The following MKLN1 variants were observed in gnomAD, a reference collection of about 807,000 sequenced individuals.
The protein encoded by MKLN1 is muskelin 1.
A neutral mutation model predicts 99.0 loss-of-function variants in MKLN1; 18 were observed. The ratio of observed to expected loss-of-function variants is 0.18; its 90% CI spans 0.13 to 0.27. MKLN1 has a LOEUF of 0.27. Among genes scored for constraint, MKLN1 ranks in the 10% least tolerant of loss-of-function variants. MKLN1 has a pLI of 1.00. For missense variants in MKLN1, 621 were observed against 875.9 expected (o/e 0.71, Z 3.67); for synonymous variants, 288 against 293.2 (o/e 0.98, Z 0.18).
At chr7:131,379,629 T>A (rs1161463487) in intron 2 of MKLN1, among the ~76,000 whole-genome samples, 2 of 152,230 alleles carry the variant, frequency 1.3e-5, no homozygotes, top group Non-Finnish European at 2.9e-5. Flanking sequence ...TGGGAATGAA[T>A]AAGACCTACT....
At position 131,489,323 on chromosome 7, in the gene MKLN1, G is replaced by A. The variant is rs189356822; in HGVS notation, c.*1595G>A. The A allele has an allele frequency of 2.6e-5, 4 of 152,252 alleles. No individual in the cohort carries two copies. The highest frequency in any genetic ancestry group is 9.6e-5 in the African/African-American group (4 of 41,552). 9.4% of individuals were successfully genotyped at this position (152,252 alleles called of 1,614,324 possible). On this transcript the variant is annotated 3_prime_UTR_variant, in exon 18 of 18. Transcript: ENST00000352689. ...TCCTAGCATCCCAAAGCAGTCAACA[G>A]TGATTTCTTAAGCAATTTGATCTGT...
upstream of MKLN1, chr7:131,327,840 C>T (rs1205284435): frequency 1.3e-6 from 2 of 1,594,798 alleles, no homozygotes; most frequent in Admixed American, 1.7e-5. Flanking sequence ...CAGGCCACGC[C>T]CCCTCCCCTC....
rs745435997 is a variant in MKLN1 at position 131,411,350 on chromosome 7, C to G, written c.748C>G (p.Arg250Gly). Residue 250 changes from arginine (R) to glycine (G), a missense_variant, in exon 7 of 18, where the codon CGA becomes GGA. Around this residue, in one of 8 missense-constraint regions of MKLN1, gnomAD observed 361 missense variants for 540.8 expected, o/e 0.67. Coordinates refer to ENST00000352689, the MANE Select transcript of MKLN1 (RefSeq NM_013255.5). The part of the protein sequence containing the change: ...QYISQQEYKP[R>G]WSQIIPKSTK... ...TATCAGTCAACAGGAATATAAGCCA[C>G]GATGGAGTCAAATCATTCCCAAAAG... 5.6e-6 allele frequency: 9 copies of G among 1,611,836 alleles called. No individual in the cohort carries two copies. The Admixed American group carries it at 1.3e-4, about 24-fold the overall frequency.
chr7:131,242,420 C>T (rs546829365), intron 3 of MKLN1, among the ~76,000 whole-genome samples: 12 of 152,084 alleles, frequency 7.9e-5, no homozygotes, highest in Admixed American at 2.6e-4. Context: ...CCTGTAGTCC[C>T]GGCTACTCAG....
intron 3 of MKLN1, among the ~76,000 whole-genome samples, chr7:131,319,746 G>T (rs1798738515): frequency 6.6e-6 from 1 of 151,964 alleles, no homozygotes; most frequent in Non-Finnish European, 1.5e-5. Flanking sequence ...CTTCAGCAAA[G>T]TCTCAGGATC....
At chr7:131,393,212 T>C (rs1447705333) in intron 4 of MKLN1, among the ~76,000 whole-genome samples, 5 of 152,228 alleles carry the variant, frequency 3.3e-5, no homozygotes, top group Admixed American at 1.3e-4. Context: ...AGCCTTGGGA[T>C]ATGTATTAGG....
chr7:131,467,988 T>C (rs1796706300), intron 15 of MKLN1, among the ~76,000 whole-genome samples: 1 of 152,006 alleles, frequency 6.6e-6, no homozygotes, highest in African/African-American at 2.4e-5. Context: ...CAGTTGTGAG[T>C]CATGGGAGAA....
chr7:131,301,015 G>A lies in MKLN1; in HGVS notation c.-178-74409G>A, dbSNP rs13437936. ...AGCTTCCTGCCTTTTCTTATCCTAA[G>A]ACTTAACGTGAGAAAGTCTCAATCT... On this transcript the variant is annotated intron_variant, in intron 3 of 7. Coordinates refer to the MKLN1 transcript ENST00000416992. 7.5e-3 allele frequency among the ~76,000 whole-genome samples: 1,145 copies of A among 152,268 alleles called. 11 individuals carry two copies. Among genetic ancestry groups the A allele is most frequent in the African/African-American group, 0.026 (1,066 of 41,550 alleles).
chr7:131,162,035 T>C lies in MKLN1; in HGVS notation c.-297+19094T>C, dbSNP rs28776310. Among the ~76,000 whole-genome samples, 127 of 67,268 alleles carry C rather than the reference T, an allele frequency of 1.9e-3. 3 individuals carry two copies. Among genetic ancestry groups the C allele is most frequent in the East Asian group, 0.017 (34 of 2,042 alleles). The allele number at this position is 67,268 out of a possible 152,430, so 44.1% of individuals were successfully genotyped here. The stretch of plus-strand genomic sequence containing the variant: ...TGATATACAAATATATATATATATA[T>C]ACACACACACACATATATATATGTA... On this transcript the variant is annotated intron_variant, in intron 2 of 7. Coordinates refer to the MKLN1 transcript ENST00000416992.
intron 1 of MKLN1, among the ~76,000 whole-genome samples, chr7:131,117,911 G>A (rs749520636): frequency 6.6e-6 from 1 of 152,170 alleles, no homozygotes; most frequent in Non-Finnish European, 1.5e-5. Context: ...ATGAATAGAG[G>A]TGTCAAGACC....
chr7:131,340,948 T>C (rs1799390760), intron 1 of MKLN1, among the ~76,000 whole-genome samples: 1 of 152,206 alleles, frequency 6.6e-6, no homozygotes, highest in Admixed American at 6.5e-5. Flanking sequence ...GAAAGCTTTT[T>C]ATTTAAATCT....
rs10453014 is a variant in MKLN1 at position 131,155,425 on chromosome 7, A to G, written c.-297+12484A>G. On this transcript the variant is annotated intron_variant, in intron 2 of 7. Coordinates refer to the MKLN1 transcript ENST00000416992. ...ATAAATCCTTTAGTTGTAAACATAC[A>G]TATATCGTGAATGTATTAAGATCTG... Among the ~76,000 whole-genome samples, 320 of 152,332 alleles carry G rather than the reference A, an allele frequency of 2.1e-3. 1 individual carries two copies. The highest frequency in any genetic ancestry group is 6.9e-3 in the African/African-American group (289 of 41,590).
intron 11 of MKLN1, 98 bp downstream of exon 11, chr7:131,443,800 G>A (rs935037294): frequency 1.1e-6 from 1 of 938,218 alleles, no homozygotes; most frequent in South Asian, 1.5e-5. Context: ...AGAGATTAGT[G>A]TAGCAATGAC....
At chr7:131,422,891 T>C (rs986508125) in intron 8 of MKLN1, among the ~76,000 whole-genome samples, 3 of 152,228 alleles carry the variant, frequency 2.0e-5, no homozygotes, top group Non-Finnish European at 4.4e-5. Flanking sequence ...AGGAATGTTG[T>C]ATTCTGTCCT....
intron 3 of MKLN1, among the ~76,000 whole-genome samples, chr7:131,271,546 G>A (rs550579773): frequency 1.3e-5 from 2 of 151,714 alleles, no homozygotes; most frequent in South Asian, 2.1e-4. Context: ...GAACCCGGGA[G>A]GCGGAGCTTG....
chr7:131,465,998 T>C (rs1304237833), intron 14 of MKLN1, among the ~76,000 whole-genome samples: 1 of 152,214 alleles, frequency 6.6e-6, no homozygotes, highest in Non-Finnish European at 1.5e-5. Flanking sequence ...TTGGATTAAC[T>C]TCTTCCTATC....
chr7:131,235,099 A>T (rs1797299574), intron 3 of MKLN1, among the ~76,000 whole-genome samples: 1 of 152,156 alleles, frequency 6.6e-6, no homozygotes, highest in Non-Finnish European at 1.5e-5. Flanking sequence ...TATTCCAGGC[A>T]GTCTTCTTTG....
chr7:131,153,668 T>TTG (rs1554529415), intron 2 of MKLN1, among the ~76,000 whole-genome samples: 12 of 147,508 alleles, frequency 8.1e-5, no homozygotes, highest in Admixed American at 2.0e-4. Context: ...TTTTTGGTTT[T>TTG]TTTTTTTTTT....
At chr7:131,271,736 C>G (rs1797888232) in intron 3 of MKLN1, among the ~76,000 whole-genome samples, 1 of 151,778 alleles carries the variant, frequency 6.6e-6, no homozygotes, top group South Asian at 2.1e-4. Flanking sequence ...TGGTGAAACC[C>G]CATCTCTACT....
Sources: allele counts gnomAD v4.1 joint callset (sites outside exome capture counted in the v4.1 genomes callset), GRCh38; gene constraint gnomAD v4.1.1; regional missense constraint gnomAD v4.1.1; transcripts MANE v1.5; gene names NCBI Gene and HGNC (gene_info 2026-07-23, HGNC 2026-07-21).